USP6: variants seen among roughly 807,000 people sequenced by gnomAD.
The protein encoded by USP6 is ubiquitin carboxyl-terminal hydrolase 6.
Under a neutral mutation model 175.7 loss-of-function variants are expected in USP6, and 128 were observed. The observed-to-expected ratio is 0.73, with a 90% CI of 0.63 to 0.84. The LOEUF is 0.84. USP6 is among the 40% of genes least tolerant of loss of function. The pLI is 0.00. For missense variants in USP6, 1,498 were observed against 1,760.3 expected (o/e 0.85, Z 2.67); for synonymous variants, 562 against 630.6 (o/e 0.89, Z 1.63).
In USP6 at chr17:5,170,519, C is replaced by T. The variant is rs757858892; in HGVS notation, c.3558C>T (p.Pro1186=). 7.4e-6 allele frequency: 12 copies of T among 1,611,440 alleles called. No homozygotes were observed. Among genetic ancestry groups the T allele is most frequent in the Non-Finnish European group, 1.0e-5 (12 of 1,179,514 alleles). The change falls in exon 36 of 38, where the codon CCC becomes CCT. Residue 1186 remains proline, a synonymous_variant. Coordinates refer to ENST00000574788, the MANE Select transcript of USP6 (RefSeq NM_001304284.2). ...CAAGAAAAAGTGGAACCAGCTGTCC[C>T]TCCAGCAAAAACAGCAGCCCTAATA... The part of the protein sequence containing the change: ...SSSRKSGTSC[P]SSKNSSPNSS...
At position 5,144,779 on chromosome 17, in the gene USP6, T is replaced by C; in HGVS notation, c.1908T>C (p.His636=). ...ELLAFLLDGL[H]EDLNRVHEKP... ...TGGCTTTTCTCTTGGATGGTCTTCA[T>C]GAAGATCTCAACCGAGTCCATGAAA... The change falls in exon 26 of 38, where the codon CAT becomes CAC. Residue 636 remains histidine (H), a synonymous_variant. Coordinates refer to ENST00000574788, the MANE Select transcript of USP6 (RefSeq NM_001304284.2). The C allele has an allele frequency of 6.2e-7, 1 of 1,613,794 alleles. No individual in the cohort carries two copies. Among genetic ancestry groups the C allele is most frequent in the Non-Finnish European group, 8.5e-7 (1 of 1,179,808 alleles).
intron 30 of USP6, among the ~76,000 whole-genome samples, chr17:5,151,066 T>G (rs550270403): frequency 3.6e-4 from 55 of 152,234 alleles, no homozygotes; most frequent in Middle Eastern, 3.4e-3. Context: ...CTTGACATCC[T>G]CAACTTAATT....
intron 4 of USP6, chr17:5,123,254 CCACATGCT>C (rs2072760807): frequency 1.3e-5 from 2 of 153,460 alleles, no homozygotes; most frequent in African/African-American, 4.8e-5. Flanking sequence ...ACGTCGGTGG[CCACATGCT>C]CCTGGATACA....
intron 30 of USP6, among the ~76,000 whole-genome samples, chr17:5,151,430 CATGTGT>C (rs1484170816): frequency 4.1e-5 from 4 of 96,870 alleles, no homozygotes; most frequent in African/African-American, 1.9e-4. Context: ...GCAAAGTCTG[CATGTGT>C]GTGTGTGTGT....
At chr17:5,117,205 C>T (rs972579719) in intron 1 of USP6, among the ~76,000 whole-genome samples, 1 of 152,256 alleles carries the variant, frequency 6.6e-6, no homozygotes, top group Non-Finnish European at 1.5e-5. Context: ...TTGTAGCACC[C>T]GCTGCTTAAC....
At chr17:5,121,339 TCTC>T (rs1396978390) in intron 3 of USP6, 33 bp from the exon 4 acceptor site, 1 of 339,280 alleles carries the variant, frequency 2.9e-6, no homozygotes, top group Non-Finnish European at 5.8e-6. Context: ...CTTCTGAAAA[TCTC>T]CTGAAACCCC....
intron 4 of USP6, among the ~76,000 whole-genome samples, chr17:5,123,905 G>GCACACACACACACGCA (rs1337263880): frequency 7.1e-6 from 1 of 141,504 alleles, no homozygotes; most frequent in African/African-American, 2.7e-5. Flanking sequence ...ACGCACGTGC[G>GCACACACACACACGCA]CACACACACA....
intron 37 of USP6, among the ~76,000 whole-genome samples, chr17:5,172,311 C>A (rs2074240991): frequency 1.3e-5 from 2 of 151,992 alleles, no homozygotes; most frequent in Admixed American, 1.3e-4. Flanking sequence ...GTGGGCGGAT[C>A]ATGAGGTCAG....
At chr17:5,152,409 T>C (rs2073794487) in intron 30 of USP6, among the ~76,000 whole-genome samples, 1 of 152,072 alleles carries the variant, frequency 6.6e-6, no homozygotes, top group South Asian at 2.1e-4. Flanking sequence ...GAATATAAAT[T>C]AATACAACTA....
At chr17:5,119,435 C>G (rs1287662381) in intron 2 of USP6, among the ~76,000 whole-genome samples, 2 of 152,156 alleles carry the variant, frequency 1.3e-5, no homozygotes, top group Non-Finnish European at 2.9e-5. Context: ...CTCTTTTGTC[C>G]TTCTTCAGCC....
chr17:5,137,673 G>T lies in USP6; in HGVS notation c.848G>T (p.Arg283Leu). The T allele has an allele frequency of 6.2e-7, 1 of 1,606,516 alleles. No individual in the cohort carries two copies. Among genetic ancestry groups the T allele is most frequent in the Non-Finnish European group, 8.5e-7 (1 of 1,174,958 alleles). The change falls in exon 20 of 38, where the codon CGC (arginine) becomes CTC (leucine). Residue 283 changes from arginine (R) to leucine (L), a missense_variant. Transcript: ENST00000574788. ...CAGATCTCTCTCGGGCTCACCCTGCGCCTGTGGGACGTGTATTTGGTGGAA... is the reference window on the plus strand; with the variant it reads ...CAGATCTCTCTCGGGCTCACCCTGCTCCTGTGGGACGTGTATTTGGTGGAA... The part of the protein sequence containing the change: ...IDGISLGLTL[R>L]LWDVYLVEGE...
chr17:5,127,644 G>T lies in USP6; in HGVS notation c.-338+5G>T, dbSNP rs926711964. 9 of 152,310 alleles carry T rather than the reference G, an allele frequency of 5.9e-5. No individual in the cohort carries two copies. The highest frequency in any genetic ancestry group is 1.9e-4 in the African/African-American group (8 of 41,562). The allele number at this position is 152,310 out of a possible 1,614,324, so 9.4% of individuals were successfully genotyped here. On this transcript the variant is annotated splice_donor_5th_base_variant and intron_variant, in intron 7 of 37. Coordinates refer to ENST00000574788, the MANE Select transcript of USP6 (RefSeq NM_001304284.2). ...TCCAGTGAGAAGCCTTCCTGAGTGAGTTTATATAGTCATCCCTTGGTATCC... is the reference window on the plus strand; with the variant it reads ...TCCAGTGAGAAGCCTTCCTGAGTGATTTTATATAGTCATCCCTTGGTATCC...
At chr17:5,144,447 T>C (rs958197308) in intron 25 of USP6, among the ~76,000 whole-genome samples, 8 of 152,180 alleles carry the variant, frequency 5.3e-5, no homozygotes, top group African/African-American at 1.7e-4. Flanking sequence ...AAGAACAGTT[T>C]GCTTACATGA....
chr17:5,120,907 T>C, intron 3 of USP6, 119 bp downstream of exon 3: 1 of 454,474 alleles, frequency 2.2e-6, no homozygotes, highest in South Asian at 1.6e-5. Flanking sequence ...TGGAAACCAG[T>C]TGGACCAGCC....
intron 32 of USP6, among the ~76,000 whole-genome samples, chr17:5,162,276 C>T (rs1247713428): frequency 6.6e-6 from 1 of 152,088 alleles, no homozygotes; most frequent in South Asian, 2.1e-4. Context: ...CTCAGCCTCC[C>T]GAGTAGCTGG....
rs2072837594 is a variant in USP6, at chr17:5,124,859, C to T, written c.-1005C>T. On this transcript the variant is annotated 5_prime_UTR_variant, in exon 5 of 38. Transcript: ENST00000574788. ...CAGCCCCCAAAGTGTGCTGCGGGAC[C>T]CTTGGGTGGGTGTAGGTATGCAAGG... The T allele has an allele frequency of 6.6e-6, 1 of 152,314 alleles. No individual in the cohort carries two copies. The highest frequency in any genetic ancestry group is 2.4e-5 in the African/African-American group (1 of 41,558). The allele number at this position is 152,314 out of a possible 1,614,324, so 9.4% of individuals were successfully genotyped here.
In USP6 at chr17:5,142,050, T is replaced by C; in HGVS notation, c.1621T>C (p.Cys541Arg). The C allele has an allele frequency of 6.2e-7, 1 of 1,613,920 alleles. No individual in the cohort carries two copies. The highest frequency in any genetic ancestry group is 8.5e-7 in the Non-Finnish European group (1 of 1,179,848). Residue 541 changes from cysteine (C) to arginine (R), a missense_variant, in exon 24 of 38, where the codon TGC becomes CGC. By Grantham distance (180) the Cys-to-Arg change is radical (BLOSUM62 -3). Around this residue, in one of 2 missense-constraint regions of USP6, gnomAD observed 1,217 missense variants for 1,500.8 expected, o/e 0.81. Coordinates refer to ENST00000574788, the MANE Select transcript of USP6 (RefSeq NM_001304284.2). ...AGGTCTAAGCAACCTGGGAAACACA[T>C]GCTTCATGAACTCAAGCATCCAGTG... ...ATGLSNLGNTCFMNSSIQCVS... is the reference protein window; with the variant it reads ...ATGLSNLGNTRFMNSSIQCVS...
At chr17:5,159,600 C>T (rs1371615659) in intron 31 of USP6, among the ~76,000 whole-genome samples, 1 of 152,116 alleles carries the variant, frequency 6.6e-6, no homozygotes, top group East Asian at 1.9e-4. Context: ...AAGAAGAGAT[C>T]ATGTACAAGT....
In USP6 at chr17:5,146,053, G is replaced by A. The variant is rs766662018; in HGVS notation, c.2198G>A (p.Arg733Gln). ...VIKLDGTTPV[R>Q]YGLRLNMDEK... ...AAGTTAGATGGTACTACCCCTGTAC[G>A]GTATGGACTAAGACTGAATATGGAT... The change falls in exon 28 of 38, where the codon CGG becomes CAG. Residue 733 changes from arginine (R) to glutamine (Q), a missense_variant. Arg to Gln is a conservative substitution (Grantham distance 43). Transcript: ENST00000574788. 2.0e-5 allele frequency: 33 copies of A among 1,611,460 alleles called. No individual in the cohort carries two copies. Among genetic ancestry groups the A allele is most frequent in the East Asian group, 4.5e-5 (2 of 44,780 alleles).
Sources: allele counts gnomAD v4.1 joint callset (sites outside exome capture counted in the v4.1 genomes callset), GRCh38; gene constraint gnomAD v4.1.1; regional missense constraint gnomAD v4.1.1; transcripts MANE v1.5; gene names NCBI Gene and HGNC (gene_info 2026-07-23, HGNC 2026-07-21).